Variants in KLK5 observed in about 807,000 individuals in gnomAD.
KLK5 encodes the protein kallikrein related peptidase 5.
Under a neutral mutation model 24.0 loss-of-function variants are expected in KLK5, and 18 were observed. The observed-to-expected ratio is 0.75, with a 90% confidence interval of 0.52 to 1.11. The LOEUF is 1.11. Among genes scored for constraint, KLK5 ranks in the 50% most tolerant of loss-of-function variants. The probability of loss-of-function intolerance (pLI) is 0.00; values close to 1 mark genes in which losing one functional copy is unlikely to be tolerated. For synonymous variants in KLK5, 140 were observed against 154.0 expected (o/e 0.91, Z 0.67); for missense variants, 374 against 379.2 (o/e 0.99, Z 0.11).
intron 5 of KLK5, among the ~76,000 whole-genome samples, chr19:50,944,413 C>T (rs2090613642): frequency 6.6e-6 from 1 of 152,160 alleles, no homozygotes; most frequent in African/African-American, 2.4e-5. Flanking sequence ...CCTTCCTCTC[C>T]ACATCTCGAA....
In KLK5 at chr19:50,947,657, AC is replaced by A. The variant is rs398101260; in HGVS notation, c.726+982del. Among the ~76,000 whole-genome samples the A allele has an allele frequency of 7.3e-5, 10 of 136,540 alleles. No individual in the cohort carries two copies. The highest frequency in any genetic ancestry group is 2.3e-4 in the South Asian group (1 of 4,274). The allele number at this position is 136,540 out of a possible 152,430, so 89.6% of individuals were successfully genotyped here. ...TAAATATTCTCTTGTAAAAATACCTACCAGATTTCTCTTTTCCTTCCTCAAG... is the reference window on the plus strand; with the variant it reads ...TAAATATTCTCTTGTAAAAATACCTACAGATTTCTCTTTTCCTTCCTCAAG... On this transcript the variant is annotated intron_variant, in intron 5 of 5. Coordinates refer to ENST00000336334, the MANE Select transcript of KLK5 (RefSeq NM_012427.5). This position sits in a 1 kb window ranked among gnomAD's most constrained non-coding sequence, Gnocchi z 8.7.
At chr19:50,950,153 C>T (rs377353073) in intron 2 of KLK5, 37 bp from the exon 3 acceptor site, 2 of 814,960 alleles carry the variant, frequency 2.5e-6, no homozygotes, top group East Asian at 4.6e-5. Flanking sequence ...GGCTCAGAGG[C>T]GGGGCTTGGG....
In KLK5 at chr19:50,950,275, A is replaced by T. The variant is rs1380257652; in HGVS notation, c.74-159T>A. On this transcript the variant is annotated intron_variant, in intron 2 of 5. Transcript: ENST00000336334. ...AATAAGAGTGGCACCTCTCAAGCCC[A>T]GGCTCAAGCTCAAGGACAGAGCCCA... 3 of 679,496 alleles carry T rather than the reference A, an allele frequency of 4.4e-6. No individual in the cohort carries two copies. The African/African-American group carries it at 5.4e-5, about 12-fold the overall frequency. 42.1% of individuals were successfully genotyped at this position (679,496 alleles called of 1,614,324 possible). A position where few individuals can be genotyped will look rare whatever the true frequency, so the allele number is the denominator to read the frequency against.
chr19:50,946,844 C>G (rs1400857435), intron 5 of KLK5, among the ~76,000 whole-genome samples: 1 of 152,120 alleles, frequency 6.6e-6, no homozygotes, highest in Non-Finnish European at 1.5e-5. Context: ...CAGGTGTGAG[C>G]CACCACGCCC....
At chr19:50,949,786 C>A (rs112507586) in intron 3 of KLK5, 69 bp downstream of exon 3, 23,411 of 190,896 alleles carry the variant, frequency 0.12, 5,419 homozygotes, top group East Asian at 0.47. Context: ...GACACCCCCA[C>A]CCCCACTTCC....
intron 3 of KLK5, 48 bp downstream of exon 3, chr19:50,949,799 ACCCCCACC>A: frequency 1.4e-5 from 1 of 73,128 alleles, no homozygotes; most frequent in South Asian, 8.3e-5. Context: ...CCACTTCCCC[ACCCCCACC>A]CCCACTTCCC....
At chr19:50,949,704 AT>A in intron 3 of KLK5, 150 bp downstream of exon 3, 1 of 512,114 alleles carries the variant, frequency 2.0e-6, no homozygotes, top group Non-Finnish European at 3.0e-6. Flanking sequence ...TCCCCAACCC[AT>A]CCCCACCAAC....
chr19:50,950,836 G>A (rs2090680620), intron 2 of KLK5, among the ~76,000 whole-genome samples: 1 of 148,642 alleles, frequency 6.7e-6, no homozygotes, highest in Non-Finnish European at 1.5e-5. Context: ...AGGTTGCAGT[G>A]AGCCGAGATC....
chr19:50,949,896 C>T lies in KLK5; in HGVS notation c.294G>A (p.Val98=). ...CGGCCGTGAGCAGCCACTGTGGATG[C>T]ACCAACACCGCCCCGCAGTAGAGCT... is the stretch of plus-strand genomic sequence containing the variant. ...PNQLYCGAVL[V]HPQWLLTAAH... The change falls in exon 3 of 6, where the codon GTG becomes GTA. Residue 98 remains valine, a synonymous_variant. Coordinates refer to ENST00000336334, the MANE Select transcript of KLK5 (RefSeq NM_012427.5). 2 of 1,599,226 alleles carry T rather than the reference C, an allele frequency of 1.3e-6. No individual in the cohort carries two copies. The highest frequency in any genetic ancestry group is 1.7e-6 in the Non-Finnish European group (2 of 1,171,842).
chr19:50,943,757 A>T lies in KLK5; in HGVS notation c.756T>A (p.Asn252Lys), dbSNP rs767782509. The change falls in exon 6 of 6, where the codon AAT (asparagine) becomes AAA (lysine). Residue 252 changes from asparagine (N) to lysine (K), a missense_variant. Physicochemically the swap from Asn to Lys is moderately conservative, Grantham distance 94 (BLOSUM62 0). Coordinates refer to ENST00000336334, the MANE Select transcript of KLK5 (RefSeq NM_012427.5). ...AGGACACGAGTCCCTGCAGGGAGCC[A>T]TTGCAGACCACAGGCCCCCCAGAAT... ...QGDSGGPVVC[N>K]GSLQGLVSWG... The T allele has an allele frequency of 3.7e-6, 6 of 1,613,666 alleles. No homozygotes were observed. The East Asian group carries it at 1.3e-4, about 36-fold the overall frequency.
At position 50,949,923 on chromosome 19, in the gene KLK5, G is replaced by A. The variant is rs1415765681; in HGVS notation, c.267C>T (p.Asn89=). ...CCAACACCGCCCCGCAGTAGAGCTG[G>A]TTGGGCCTTAGCAACAGCGCGGCCT... is the stretch of plus-strand genomic sequence containing the variant. ...PWQAALLLRP[N]QLYCGAVLVH... is the part of the protein sequence containing the mutation. The change falls in exon 3 of 6, where the codon AAC becomes AAT. Residue 89 remains asparagine, a synonymous_variant. Coordinates refer to ENST00000336334, the MANE Select transcript of KLK5 (RefSeq NM_012427.5). The A allele has an allele frequency of 1.2e-6, 2 of 1,613,614 alleles. No homozygotes were observed. Among genetic ancestry groups the A allele is most frequent in the Admixed American group, 1.7e-5 (1 of 59,974 alleles).
intron 5 of KLK5, among the ~76,000 whole-genome samples, chr19:50,945,097 C>CCTCCCTTT (rs377549780): frequency 3.9e-4 from 57 of 145,356 alleles, no homozygotes; most frequent in South Asian, 1.6e-3. Flanking sequence ...TTCCTCCCTT[C>CCTCCCTTT]GTCTCTTTTT....
At chr19:50,950,695 C>T (rs150156034) in intron 2 of KLK5, among the ~76,000 whole-genome samples, 3,561 of 152,116 alleles carry the variant, frequency 0.023, 141 homozygotes, top group African/African-American at 0.082. Flanking sequence ...AGTTTGAGAC[C>T]AGCCTGGCCA....
chr19:50,947,306 C>T lies in KLK5; in HGVS notation c.726+1334G>A, dbSNP rs915334723. ...TTTTGTTCTCCAGTTGCATTGGTTTCCTCTTCTTCTTTGAATCAGCCAAAT... is the reference window on the plus strand; with the variant it reads ...TTTTGTTCTCCAGTTGCATTGGTTTTCTCTTCTTCTTTGAATCAGCCAAAT... On this transcript the variant is annotated intron_variant, in intron 5 of 5. Transcript: ENST00000336334. This position sits in a 1 kb window ranked among gnomAD's most constrained non-coding sequence, Gnocchi z 8.7. Among the ~76,000 whole-genome samples the T allele has an allele frequency of 3.3e-5, 5 of 152,310 alleles. No homozygotes were observed. The highest frequency in any genetic ancestry group is 1.9e-4 in the East Asian group (1 of 5,186).
intron 3 of KLK5, 49 bp downstream of exon 3, chr19:50,949,806 C>T (rs1255503840): frequency 1.8e-6 from 2 of 1,136,888 alleles, no homozygotes; most frequent in Non-Finnish European, 2.5e-6. Context: ...CCCACCCCCA[C>T]CCCCACTTCC....
rs1478866925 is a variant in KLK5, at chr19:50,949,924, T to C, written c.266A>G (p.Asn89Ser). Residue 89 changes from asparagine (N) to serine (S), a missense_variant, in exon 3 of 6, where the codon AAC becomes AGC. Transcript: ENST00000336334. Reference protein sequence around the residue: ...PWQAALLLRPNQLYCGAVLVH... With the variant: ...PWQAALLLRPSQLYCGAVLVH... Reference sequence around the variant, plus strand: ...CAACACCGCCCCGCAGTAGAGCTGGTTGGGCCTTAGCAACAGCGCGGCCTG... The same window carrying C: ...CAACACCGCCCCGCAGTAGAGCTGGCTGGGCCTTAGCAACAGCGCGGCCTG... 2.4e-5 allele frequency: 38 copies of C among 1,613,170 alleles called. No homozygotes were observed. The highest frequency in any genetic ancestry group is 3.1e-5 in the Non-Finnish European group (37 of 1,179,900).
chr19:50,952,638 G>T lies in KLK5; in HGVS notation c.20C>A (p.Pro7His). The change falls in exon 2 of 6, where the codon CCC (proline) becomes CAC (histidine). Residue 7 changes from proline (P) to histidine (H), a missense_variant. Physicochemically the swap from Pro to His is moderately conservative, Grantham distance 77. Transcript: ENST00000336334. Reference sequence around the variant, plus strand: ...CAGAGCACAGAGCACCCACATCCAGGGGGGTCTTGCTGTAGCCATGGCCGC... The same window carrying T: ...CAGAGCACAGAGCACCCACATCCAGTGGGGTCTTGCTGTAGCCATGGCCGC... MATARP[P>H]WMWVLCALIT... The T allele has an allele frequency of 6.2e-7, 1 of 1,602,862 alleles. No individual in the cohort carries two copies. Among genetic ancestry groups the T allele is most frequent in the Non-Finnish European group, 8.5e-7 (1 of 1,174,656 alleles).
Position 50,949,070 on chromosome 19 carries a change from A to G in KLK5, c.381T>C (p.Tyr127=), listed in dbSNP as rs956495158. The G allele has an allele frequency of 6.2e-7, 1 of 1,613,694 alleles. No individual in the cohort carries two copies. Among genetic ancestry groups the G allele is most frequent in the Admixed American group, 1.7e-5 (1 of 59,986 alleles). The change falls in exon 4 of 6, where the codon TAT becomes TAC. Residue 127 remains tyrosine (Y), a synonymous_variant. Transcript: ENST00000336334. ...RLGHYSLSPV[Y]ESGQQMFQGV... ...CCTGGAACATCTGCTGCCCAGATTC[A>G]TAAACTGGTGACAGGGAGTAGTGGC...
In KLK5 at chr19:50,949,943, C is replaced by T. The variant is rs768909119; in HGVS notation, c.247G>A (p.Ala83Thr). 1.1e-4 allele frequency: 185 copies of T among 1,613,566 alleles called. No homozygotes were observed. The highest frequency in any genetic ancestry group is 1.5e-4 in the Non-Finnish European group (181 of 1,179,990). Residue 83 changes from alanine to threonine, a missense_variant, in exon 3 of 6, where the codon GCG (alanine) becomes ACG (threonine). Coordinates refer to ENST00000336334, the MANE Select transcript of KLK5 (RefSeq NM_012427.5). ...AGCTGGTTGGGCCTTAGCAACAGCG[C>T]GGCCTGCCACGGCTGGGTGTGCATA... is the stretch of plus-strand genomic sequence containing the variant. ...CDMHTQPWQA[A>T]LLLRPNQLYC...
Sources: allele counts gnomAD v4.1 joint callset (sites outside exome capture counted in the v4.1 genomes callset), GRCh38; gene constraint gnomAD v4.1.1; non-coding constraint Gnocchi (gnomAD v3.1); transcripts MANE v1.5; gene names NCBI Gene and HGNC (gene_info 2026-07-23, HGNC 2026-07-21).